The following RALYL variants were observed in gnomAD, a reference collection of about 807,000 sequenced individuals.
The protein encoded by RALYL is RNA-binding Raly-like protein.
A neutral mutation model predicts 35.1 loss-of-function variants in RALYL; 29 were observed. The ratio of observed to expected loss-of-function variants is 0.83; its 90% CI spans 0.61 to 1.13. RALYL has a LOEUF of 1.13. Among genes scored for constraint, RALYL ranks in the 50% most tolerant of loss-of-function variants. RALYL has a pLI of 0.00. For missense variants in RALYL, 359 were observed against 360.4 expected (o/e 1.00, Z 0.03); for synonymous variants, 120 against 127.6 (o/e 0.94, Z 0.40).
chr8:84,734,659 T>G (rs1050089742), intron 2 of RALYL, among the ~76,000 whole-genome samples: 1 of 152,128 alleles, frequency 6.6e-6, no homozygotes, highest in African/African-American at 2.4e-5. Flanking sequence ...TCTTATGAGA[T>G]AGTTCTGTTC....
chr8:84,435,229 G>A (rs2047575150), intron 1 of RALYL, among the ~76,000 whole-genome samples: 1 of 152,158 alleles, frequency 6.6e-6, no homozygotes, highest in Non-Finnish European at 1.5e-5. Context: ...AGCCTACACA[G>A]ATATTAGAAT....
chr8:84,671,141 T>A (rs1833138946), intron 2 of RALYL, among the ~76,000 whole-genome samples: 1 of 152,042 alleles, frequency 6.6e-6, no homozygotes, highest in Non-Finnish European at 1.5e-5. Context: ...GGCAGTCAAA[T>A]CTTAAAGCTC....
intron 2 of RALYL, among the ~76,000 whole-genome samples, chr8:84,702,539 T>TCACA (rs10678224): frequency 0.016 from 2,203 of 136,496 alleles, 20 homozygotes; most frequent in South Asian, 0.021. Flanking sequence ...TCTCTCTCTC[T>TCACA]CACACACACA....
chr8:84,480,060 C>T (rs752637346), intron 1 of RALYL, among the ~76,000 whole-genome samples: 14 of 151,968 alleles, frequency 9.2e-5, no homozygotes, highest in Non-Finnish European at 1.8e-4. Context: ...TGATATGTGT[C>T]GAATACATAT....
At chr8:84,608,154 A>G (rs1817558576) in intron 2 of RALYL, among the ~76,000 whole-genome samples, 1 of 152,084 alleles carries the variant, frequency 6.6e-6, no homozygotes, top group East Asian at 1.9e-4. Context: ...TCCTGCACAA[A>G]GGTCCCAAGC....
chr8:84,609,131 C>A (rs1817768853), intron 2 of RALYL, among the ~76,000 whole-genome samples: 1 of 152,070 alleles, frequency 6.6e-6, no homozygotes, highest in Non-Finnish European at 1.5e-5. Flanking sequence ...AAACGTTCAC[C>A]TTTGCTGCAT....
intron 1 of RALYL, among the ~76,000 whole-genome samples, chr8:84,202,139 G>C (rs947939943): frequency 5.3e-5 from 8 of 150,444 alleles, no homozygotes; most frequent in African/African-American, 2.0e-4. Flanking sequence ...TTATTTTACT[G>C]TAATATTGCA....
Position 84,815,445 on chromosome 8 carries a change from TAAA to T in RALYL, c.365+10644_365+10646del, listed in dbSNP as rs1356103935. Among the ~76,000 whole-genome samples, 27 of 148,032 alleles carry T rather than the reference TAAA, an allele frequency of 1.8e-4. No homozygotes were observed. The South Asian group carries it at 5.7e-3, about 31-fold the overall frequency. On this transcript the variant is annotated intron_variant, in intron 4 of 8. Coordinates refer to ENST00000521268, the MANE Select transcript of RALYL (RefSeq NM_173848.7). ...TTATTAAATATATTTAAATTTATTA[TAAA>T]TACATAATACTGAATGTTTATATTA...
intron 1 of RALYL, among the ~76,000 whole-genome samples, chr8:84,229,751 C>T (rs1419657318): frequency 6.6e-6 from 1 of 152,136 alleles, no homozygotes; most frequent in African/African-American, 2.4e-5. Flanking sequence ...CCTTGAGGTA[C>T]TTCTTGCCCA....
intron 1 of RALYL, among the ~76,000 whole-genome samples, chr8:84,235,146 C>T (rs1826225711): frequency 1.3e-5 from 2 of 152,122 alleles, no homozygotes; most frequent in Admixed American, 6.5e-5. Flanking sequence ...TATTTTATGA[C>T]AATTGTTATT....
intron 2 of RALYL, among the ~76,000 whole-genome samples, chr8:84,680,731 T>C (rs1483065405): frequency 1.3e-5 from 2 of 152,184 alleles, no homozygotes; most frequent in Non-Finnish European, 2.9e-5. Flanking sequence ...TTGGAGTTCA[T>C]TGTAGATTCT....
intron 1 of RALYL, among the ~76,000 whole-genome samples, chr8:84,424,920 G>C (rs1324255596): frequency 6.6e-6 from 1 of 151,658 alleles, no homozygotes; most frequent in East Asian, 1.9e-4. Flanking sequence ...CAGATCTCCA[G>C]CTGTGTGCTG....
chr8:84,458,020 G>A (rs1040963690), intron 1 of RALYL, among the ~76,000 whole-genome samples: 6 of 151,840 alleles, frequency 4.0e-5, no homozygotes, highest in African/African-American at 9.6e-5. Context: ...CTCAAGAAGC[G>A]TTTTTTAAAT....
chr8:84,455,208 A>C (rs2049992820), intron 1 of RALYL, among the ~76,000 whole-genome samples: 1 of 152,026 alleles, frequency 6.6e-6, no homozygotes, highest in Non-Finnish European at 1.5e-5. Flanking sequence ...ACTTCAAAAC[A>C]GACTATGCTT....
intron 1 of RALYL, among the ~76,000 whole-genome samples, chr8:84,387,701 G>A (rs16912780): frequency 0.028 from 4,290 of 151,634 alleles, 195 homozygotes; most frequent in African/African-American, 0.098. Flanking sequence ...GGACATATTC[G>A]CTTTAGCTAC....
intron 7 of RALYL, among the ~76,000 whole-genome samples, chr8:84,882,281 C>T (rs1842287712): frequency 6.6e-6 from 1 of 151,972 alleles, no homozygotes; most frequent in Non-Finnish European, 1.5e-5. Flanking sequence ...CCAACAGACA[C>T]TCCAAAAGAT....
At chr8:84,323,013 G>A (rs1219058738) in intron 1 of RALYL, among the ~76,000 whole-genome samples, 3 of 152,010 alleles carry the variant, frequency 2.0e-5, no homozygotes, top group Admixed American at 2.0e-4. Context: ...GTAAGATAAA[G>A]AAGATTGTTA....
chr8:84,423,796 C>G (rs1000642909), intron 1 of RALYL, among the ~76,000 whole-genome samples: 1 of 151,276 alleles, frequency 6.6e-6, no homozygotes, highest in African/African-American at 2.4e-5. Flanking sequence ...TTTTATTTCT[C>G]CTTCACTTAT....
intron 2 of RALYL, among the ~76,000 whole-genome samples, chr8:84,770,560 T>C (rs1363966567): frequency 6.6e-6 from 1 of 152,164 alleles, no homozygotes; most frequent in Non-Finnish European, 1.5e-5. Flanking sequence ...TCTGGGTAGA[T>C]ACCCAGTAGT....
Sources: gnomAD v4.1 joint callset for allele counts (sites outside exome capture counted in the v4.1 genomes callset) on GRCh38, gnomAD v4.1.1 for gene constraint, MANE v1.5 for transcripts, NCBI Gene and HGNC (gene_info 2026-07-23, HGNC 2026-07-21) for gene names.